RELB: variants seen among roughly 807,000 people sequenced by gnomAD.
The protein encoded by RELB is transcription factor RelB.
A neutral mutation model predicts 55.4 loss-of-function variants in RELB; 14 were observed. That is an observed-to-expected ratio of 0.25 (90% CI 0.17 to 0.40). The LOEUF (loss-of-function observed/expected upper bound fraction) is 0.40, where lower values mean the gene tolerates loss of function less well. Among genes scored for constraint, RELB ranks in the 10% least tolerant of loss-of-function variants. RELB has a pLI of 1.00. For synonymous variants in RELB, 409 were observed against 371.3 expected (o/e 1.10, Z -1.17); for missense variants, 669 against 830.7 (o/e 0.81, Z 2.39).
intron 2 of RELB, among the ~76,000 whole-genome samples, chr19:45,005,900 G>C (rs1028771886): frequency 3.3e-5 from 5 of 151,964 alleles, no homozygotes; most frequent in Non-Finnish European, 7.4e-5. Context: ...CACCGTGCCC[G>C]GCCAAGGCTG....
chr19:45,005,590 G>A (rs938143269), intron 2 of RELB, among the ~76,000 whole-genome samples: 1 of 152,064 alleles, frequency 6.6e-6, no homozygotes, highest in Non-Finnish European at 1.5e-5. Context: ...GTGGTCCTGC[G>A]CAGGAACAAG....
At chr19:45,031,940 A>T (rs1447085185) in intron 8 of RELB, among the ~76,000 whole-genome samples, 2 of 151,826 alleles carry the variant, frequency 1.3e-5, no homozygotes, top group East Asian at 1.9e-4. Context: ...AATATATATA[A>T]AAATACATAA....
intron 4 of RELB, among the ~76,000 whole-genome samples, chr19:45,018,821 CAT>C (rs1280527399): frequency 6.6e-6 from 1 of 151,696 alleles, no homozygotes; most frequent in Non-Finnish European, 1.5e-5. Flanking sequence ...GGATTACAGA[CAT>C]GTGCCACCAC....
In RELB at chr19:45,022,222, C is replaced by G; in HGVS notation, c.662+12C>G. The G allele has an allele frequency of 6.3e-7, 1 of 1,584,308 alleles. No individual in the cohort carries two copies. Among genetic ancestry groups the G allele is most frequent in the South Asian group, 1.1e-5 (1 of 89,378 alleles). ...AGCCCCCGGCACAGGTACCCACCCC[C>G]TGACCTCCGACCTCTCATCCTTGAT... is the stretch of plus-strand genomic sequence containing the variant. On this transcript the variant is annotated intron_variant, in intron 5 of 11. Coordinates refer to ENST00000221452, the MANE Select transcript of RELB (RefSeq NM_006509.4).
intron 8 of RELB, among the ~76,000 whole-genome samples, chr19:45,030,336 A>G (rs1192772205): frequency 1.3e-5 from 2 of 152,160 alleles, no homozygotes; most frequent in East Asian, 3.9e-4. Context: ...TAATTAAAAA[A>G]TAGCCAGGCA....
intron 2 of RELB, 61 bp from the exon 3 acceptor site, chr19:45,009,753 G>C: frequency 1.9e-6 from 3 of 1,580,258 alleles, no homozygotes; most frequent in Non-Finnish European, 2.6e-6. Flanking sequence ...CTTAAAAGAT[G>C]AAAAGTTGTG....
Position 45,034,289 on chromosome 19 carries a change from T to C in RELB, c.1253T>C (p.Val418Ala). 1.2e-6 allele frequency: 2 copies of C among 1,613,988 alleles called. No individual in the cohort carries two copies. The highest frequency in any genetic ancestry group is 1.7e-6 in the Non-Finnish European group (2 of 1,179,874). The part of the protein sequence containing the change: ...DKKRKRGMPD[V>A]LGELNSSDPH... The stretch of plus-strand genomic sequence containing the variant: ...AAGCGGAAACGGGGGATGCCCGACG[T>C]CCTTGGGGAGCTGAACAGCTCTGGT... Residue 418 changes from valine to alanine, a missense_variant, in exon 10 of 12, where the codon GTC (valine) becomes GCC (alanine). Val to Ala is a moderately conservative substitution (Grantham distance 64, BLOSUM62 0). Coordinates refer to ENST00000221452, the MANE Select transcript of RELB (RefSeq NM_006509.4).
At chr19:45,003,410 G>A (rs1037506676) in intron 2 of RELB, among the ~76,000 whole-genome samples, 2 of 149,950 alleles carry the variant, frequency 1.3e-5, no homozygotes, top group Non-Finnish European at 3.0e-5. Context: ...GGGAGGCGGA[G>A]CTTGCAGTGA....
chr19:45,002,891 T>G (rs1971231254), intron 1 of RELB, 58 bp from the exon 2 acceptor site: 6 of 1,468,608 alleles, frequency 4.1e-6, no homozygotes, highest in African/African-American at 2.8e-5. Flanking sequence ...CCTTGGGATA[T>G]TCTCTGGTCC....
intron 4 of RELB, among the ~76,000 whole-genome samples, chr19:45,014,825 G>A (rs929698894): frequency 4.0e-5 from 6 of 150,808 alleles, no homozygotes; most frequent in Non-Finnish European, 8.9e-5. Context: ...GGACCCCAGA[G>A]TTGGTTTTGA....
intron 4 of RELB, among the ~76,000 whole-genome samples, chr19:45,014,466 G>T (rs563684273): frequency 6.7e-6 from 1 of 150,334 alleles, no homozygotes; most frequent in Admixed American, 6.6e-5. Flanking sequence ...CCACCGCACC[G>T]GCCTAATTTC....
chr19:45,032,647 C>A lies in RELB; in HGVS notation c.1105C>A (p.Leu369Met), dbSNP rs777367214. The A allele has an allele frequency of 3.1e-6, 5 of 1,612,898 alleles. No individual in the cohort carries two copies. The change falls in exon 9 of 12, where the codon CTG becomes ATG. Residue 369 changes from leucine (L) to methionine (M), a missense_variant. Transcript: ENST00000221452. ...GTTCAAGACGCCGCCCTACGAGGAC[C>A]TGGAGATTGTCGAGCCCGTGACAGT... ...IVFKTPPYED[L>M]EIVEPVTVNV...
chr19:45,012,450 G>A (rs998821023), intron 4 of RELB, among the ~76,000 whole-genome samples, 174 bp downstream of exon 4: 1 of 152,098 alleles, frequency 6.6e-6, no homozygotes, highest in African/African-American at 2.4e-5. Context: ...AAAAAGGAGG[G>A]GTCGGACATT....
intron 4 of RELB, among the ~76,000 whole-genome samples, chr19:45,016,815 C>G (rs1971425530): frequency 1.3e-5 from 2 of 152,168 alleles, no homozygotes; most frequent in African/African-American, 4.8e-5. Flanking sequence ...TGAGATCGTG[C>G]CATTGCACTC....
intron 9 of RELB, among the ~76,000 whole-genome samples, chr19:45,033,734 G>C (rs1971652959): frequency 6.6e-6 from 1 of 150,822 alleles, no homozygotes; most frequent in African/African-American, 2.4e-5. Flanking sequence ...GTAGAGACCG[G>C]GTTTCGCCGT....
At position 45,034,453 on chromosome 19, in the gene RELB, C is replaced by T. The variant is rs1458217171; in HGVS notation, c.1279C>T (p.Pro427Ser). 1 of 1,612,202 alleles carries T rather than the reference C, an allele frequency of 6.2e-7. No individual in the cohort carries two copies. The highest frequency in any genetic ancestry group is 1.7e-5 in the Admixed American group (1 of 59,622). ...TCCTCATCTCTGCCTTCCCTCAGAC[C>T]CCCATGGCATCGAGAGCAAACGGCG... ...DVLGELNSSDPHGIESKRRKK... is the reference protein window; with the variant it reads ...DVLGELNSSDSHGIESKRRKK... Residue 427 changes from proline (P) to serine (S), a missense_variant and splice_region_variant, in exon 11 of 12, where the codon CCC becomes TCC. This residue lies in a region of RELB where 341 missense variants were observed against 436.8 expected (regional missense o/e 0.78). Coordinates refer to ENST00000221452, the MANE Select transcript of RELB (RefSeq NM_006509.4).
intron 4 of RELB, among the ~76,000 whole-genome samples, chr19:45,016,006 A>AT (rs532894569): frequency 0.021 from 3,113 of 149,878 alleles, 35 homozygotes; most frequent in South Asian, 0.076. Flanking sequence ...TTTTATTATT[A>AT]TTTTTTTTTT....
intron 4 of RELB, among the ~76,000 whole-genome samples, chr19:45,021,474 AAG>A (rs1971487268): frequency 1.3e-5 from 2 of 150,942 alleles, no homozygotes; most frequent in African/African-American, 4.9e-5. Context: ...AAAAAAAAAA[AAG>A]CCTGAGTGGC....
intron 2 of RELB, among the ~76,000 whole-genome samples, chr19:45,006,403 CA>C (rs1414614590): frequency 6.6e-6 from 1 of 151,898 alleles, no homozygotes; most frequent in African/African-American, 2.4e-5. Flanking sequence ...GGGGTTTCAC[CA>C]CGTTGGCCAG....
Sources: allele counts gnomAD v4.1 joint callset (sites outside exome capture counted in the v4.1 genomes callset), GRCh38; gene constraint gnomAD v4.1.1; regional missense constraint gnomAD v4.1.1; transcripts MANE v1.5; gene names NCBI Gene and HGNC (gene_info 2026-07-23, HGNC 2026-07-21).